Variants in ZNF233 observed in about 807,000 individuals in gnomAD.
The protein encoded by ZNF233 is zinc finger protein 233.
ZNF233 carries 7 observed loss-of-function variants against 11.6 expected under a neutral mutation model. That is an observed-to-expected ratio of 0.60 (90% CI 0.34 to 1.13). The LOEUF (loss-of-function observed/expected upper bound fraction) is 1.13, where lower values mean the gene tolerates loss of function less well. Among genes scored for constraint, ZNF233 ranks in the 50% most tolerant of loss-of-function variants. The pLI, the probability that ZNF233 is intolerant of heterozygous loss-of-function variation, is 0.03. For synonymous variants in ZNF233, 226 were observed against 268.5 expected (o/e 0.84, Z 1.55); for missense variants, 711 against 785.5 (o/e 0.91, Z 1.13).
intron 2 of ZNF233, among the ~76,000 whole-genome samples, chr19:44,265,896 G>A (rs892466148): frequency 1.3e-5 from 2 of 152,154 alleles, no homozygotes; most frequent in Non-Finnish European, 1.5e-5. Context: ...TATAAAATAC[G>A]TATTCCGTGT....
At position 44,268,406 on chromosome 19, in the gene ZNF233, G is replaced by C. The variant is rs538787381; in HGVS notation, c.238+1445G>C. 1.4e-3 allele frequency among the ~76,000 whole-genome samples: 218 copies of C among 152,230 alleles called. 1 individual carries two copies. Among genetic ancestry groups the C allele is most frequent in the African/African-American group, 5.2e-3 (214 of 41,538 alleles). On this transcript the variant is annotated intron_variant, in intron 4 of 4. Coordinates refer to ENST00000683810, the MANE Select transcript of ZNF233 (RefSeq NM_001207005.2). Reference sequence around the variant, plus strand: ...GCTTTTTCACCTAGGCTGGAGTGCAGTGATACAATCATAGCTTGCTGCAGC... The same window carrying C: ...GCTTTTTCACCTAGGCTGGAGTGCACTGATACAATCATAGCTTGCTGCAGC...
intron 4 of ZNF233, among the ~76,000 whole-genome samples, chr19:44,268,999 G>T (rs893128690): frequency 6.6e-6 from 1 of 152,216 alleles, no homozygotes; most frequent in Non-Finnish European, 1.5e-5. Flanking sequence ...CCTGGATTTT[G>T]TAAGTAGCTG....
At chr19:44,267,373 A>AAGAC in intron 4 of ZNF233, 1 of 383,114 alleles carries the variant, frequency 2.6e-6, no homozygotes, top group Non-Finnish European at 4.5e-6. Flanking sequence ...TTTTTTCTTT[A>AAGAC]AGACAGGTCT....
intron 3 of ZNF233, 50 bp downstream of exon 3, chr19:44,266,374 T>G: frequency 6.9e-7 from 1 of 1,448,148 alleles, no homozygotes; most frequent in South Asian, 1.7e-5. Context: ...TGGACTGTCC[T>G]GCTTTCAATT....
Position 44,273,305 on chromosome 19 carries a change from G to C in ZNF233, c.645G>C (p.Arg215Ser). The stretch of plus-strand genomic sequence containing the variant: ...TCTGTAAATGTGATCATTGTGTTAG[G>C]CAAAGAATTGCTCATCAACATGATG... ...NKLCKCDHCV[R>S]QRIAHQHDDH... Residue 215 changes from arginine to serine, a missense_variant, in exon 5 of 5, where the codon AGG becomes AGC. Arg to Ser is a moderately radical substitution (Grantham distance 110). Coordinates refer to ENST00000683810, the MANE Select transcript of ZNF233 (RefSeq NM_001207005.2). 2 of 1,614,070 alleles carry C rather than the reference G, an allele frequency of 1.2e-6. No homozygotes were observed. Among genetic ancestry groups the C allele is most frequent in the Non-Finnish European group, 1.7e-6 (2 of 1,180,002 alleles).
chr19:44,266,131 T>A, intron 2 of ZNF233, 67 bp from the exon 3 acceptor site: 1 of 1,498,672 alleles, frequency 6.7e-7, no homozygotes, highest in Middle Eastern at 1.8e-4. Context: ...TTCTACCTGC[T>A]CAGTGCTGCC....
At chr19:44,262,433 G>A (rs1218495284) in intron 1 of ZNF233, among the ~76,000 whole-genome samples, 1 of 152,186 alleles carries the variant, frequency 6.6e-6, no homozygotes, top group South Asian at 2.1e-4. Context: ...TACATGTAGT[G>A]AGCAGAGCTG....
rs1325302168 is a variant in ZNF233 at position 44,266,340 on chromosome 19, T to A, written c.142+16T>A. On this transcript the variant is annotated intron_variant, in intron 3 of 4. Coordinates refer to ENST00000683810, the MANE Select transcript of ZNF233 (RefSeq NM_001207005.2). ...CTGTCAGTGGGTGAGCACAGGCACC[T>A]TCTGTAACTGAATATCAGCCCTCTG... 6.3e-7 allele frequency: 1 copy of A among 1,580,042 alleles called. No homozygotes were observed. Among genetic ancestry groups the A allele is most frequent in the South Asian group, 1.2e-5 (1 of 85,844 alleles).
intron 3 of ZNF233, 106 bp from the exon 4 acceptor site, chr19:44,266,760 C>T: frequency 1.3e-6 from 1 of 749,358 alleles, no homozygotes; most frequent in Non-Finnish European, 2.2e-6. Flanking sequence ...CTCATGATCA[C>T]AATTTTGAAA....
chr19:44,263,432 A>G (rs186016350), intron 1 of ZNF233, among the ~76,000 whole-genome samples: 90 of 152,308 alleles, frequency 5.9e-4, no homozygotes, highest in African/African-American at 2.0e-3. Flanking sequence ...TGTAAATTAG[A>G]ATCTGTTATT....
chr19:44,260,535 T>TC (rs2123031822), intron 1 of ZNF233, among the ~76,000 whole-genome samples: 1 of 152,276 alleles, frequency 6.6e-6, no homozygotes, highest in South Asian at 2.1e-4. Flanking sequence ...CAATTTTCTC[T>TC]CCATCTTTTT....
chr19:44,264,328 G>A lies in ZNF233; in HGVS notation c.-33G>A. ...TCTTTTCCCAGTTCTGCCTTCCCAGGACCCTGCCCTTCCCCAGAAGGAGCA... is the reference window on the plus strand; with the variant it reads ...TCTTTTCCCAGTTCTGCCTTCCCAGAACCCTGCCCTTCCCCAGAAGGAGCA... On this transcript the variant is annotated 5_prime_UTR_variant, in exon 2 of 5. Coordinates refer to ENST00000683810, the MANE Select transcript of ZNF233 (RefSeq NM_001207005.2). The A allele has an allele frequency of 6.2e-7, 1 of 1,612,676 alleles. No homozygotes were observed. Among genetic ancestry groups the A allele is most frequent in the Non-Finnish European group, 8.5e-7 (1 of 1,179,058 alleles).
Position 44,259,966 on chromosome 19 carries a change from A to G in ZNF233, c.-48+28A>G, listed in dbSNP as rs1188442814. ...GAGTCAGCGCGGAACCTCTGCATCT[A>G]CGGCGAGCTTTCCTGGCCTGGGCGT... On this transcript the variant is annotated intron_variant, in intron 1 of 4. Transcript: ENST00000683810. The G allele has an allele frequency of 1.1e-5, 5 of 453,682 alleles. No homozygotes were observed. In the Admixed American group the frequency reaches 1.2e-4, roughly 11 times the overall value. 28.1% of individuals were successfully genotyped at this position (453,682 alleles called of 1,614,324 possible). A position where few individuals can be genotyped will look rare whatever the true frequency, so the allele number is the denominator to read the frequency against.
Position 44,273,693 on chromosome 19 carries a change from C to T in ZNF233, c.1033C>T (p.Gln345Ter), listed in dbSNP as rs1391054176. Residue 345 changes from glutamine (Q) to a stop codon, truncating the protein, a stop_gained, in exon 5 of 5, where the codon CAG (glutamine) becomes TAG (stop). Coordinates refer to ENST00000683810, the MANE Select transcript of ZNF233 (RefSeq NM_001207005.2). LOFTEE classifies it low-confidence loss of function (END_TRUNC). ...VSTGENLYRC[Q>*]VYARSSNQNS... is the part of the protein sequence containing the mutation. ...CACAGGAGAGAACCTCTACAGATGT[C>T]AGGTATATGCCCGGAGCTCCAACCA... 1 of 1,613,826 alleles carries T rather than the reference C, an allele frequency of 6.2e-7. No individual in the cohort carries two copies. The highest frequency in any genetic ancestry group is 8.5e-7 in the Non-Finnish European group (1 of 1,179,968).
At chr19:44,267,666 G>A (rs1242364911) in intron 4 of ZNF233, 11 of 364,936 alleles carry the variant, frequency 3.0e-5, no homozygotes, top group Non-Finnish European at 4.8e-5. Context: ...ACAGGCATGA[G>A]CCACTGTGCC....
In ZNF233 at chr19:44,273,486, C is replaced by G. The variant is rs150470948; in HGVS notation, c.826C>G (p.His276Asp). 2.8e-4 allele frequency: 445 copies of G among 1,614,200 alleles called. 5 individuals are homozygous for G. The East Asian group carries it at 7.5e-3, about 27-fold the overall frequency. ...AAGTGTTGGCTCTAATCTTGAACTT[C>G]ACCAGCAACTACACTTAAGAGACAA... ...GLSVGSNLEL[H>D]QQLHLRDKPH... Residue 276 changes from histidine to aspartate, a missense_variant, in exon 5 of 5, where the codon CAC becomes GAC. By Grantham distance (81) the His-to-Asp change is moderately conservative. Coordinates refer to ENST00000683810, the MANE Select transcript of ZNF233 (RefSeq NM_001207005.2).
At chr19:44,268,022 T>A (rs1261191563) in intron 4 of ZNF233, 2 of 151,832 alleles carry the variant, frequency 1.3e-5, no homozygotes, top group Admixed American at 1.3e-4. Context: ...AGGCCAGGAG[T>A]TTAAGACCAG....
At chr19:44,263,334 C>G (rs1283199278) in intron 1 of ZNF233, among the ~76,000 whole-genome samples, 2 of 152,220 alleles carry the variant, frequency 1.3e-5, no homozygotes, top group African/African-American at 4.8e-5. Flanking sequence ...ACTATCTCTT[C>G]TCTCAGCCCC....
intron 2 of ZNF233, among the ~76,000 whole-genome samples, chr19:44,265,413 C>T (rs1288473287): frequency 2.7e-5 from 4 of 148,058 alleles, no homozygotes; most frequent in Non-Finnish European, 6.0e-5. Flanking sequence ...ACACACACCA[C>T]GGTTTCTTTT....
Sources: gnomAD v4.1 joint callset for allele counts (sites outside exome capture counted in the v4.1 genomes callset) on GRCh38, gnomAD v4.1.1 for gene constraint, MANE v1.5 for transcripts, NCBI Gene and HGNC (gene_info 2026-07-23, HGNC 2026-07-21) for gene names.